Variants in PPARGC1A observed in about 807,000 individuals in gnomAD.
PPARGC1A encodes the protein peroxisome proliferator-activated receptor gamma coactivator 1-alpha.
PPARGC1A carries 25 observed loss-of-function variants against 88.7 expected under a neutral mutation model. The observed-to-expected ratio is 0.28, with a 90% CI of 0.21 to 0.39. PPARGC1A has a LOEUF of 0.39. PPARGC1A is among the 10% of genes least tolerant of loss of function. The pLI is 1.00. For missense variants in PPARGC1A, 880 were observed against 968.7 expected, an observed-to-expected ratio of 0.91 and a Z score of 1.22; for synonymous variants, 363 against 355.6, an observed-to-expected ratio of 1.02 and a Z score of -0.24.
At chr4:24,345,802 A>G in the PPARGC1A span, among the ~76,000 whole-genome samples, 1 of 152,032 alleles carries the variant, frequency 6.6e-6, no homozygotes, top group Non-Finnish European at 1.5e-5. Context: ...CTCTGGTTGG[A>G]CTTCCAGTAC....
chr4:23,937,776 C>G, the PPARGC1A span, among the ~76,000 whole-genome samples: 2 of 152,004 alleles, frequency 1.3e-5, no homozygotes, highest in East Asian at 3.9e-4. Context: ...GATCTCTCTG[C>G]CCCTCTGCCC....
the PPARGC1A span, among the ~76,000 whole-genome samples, chr4:24,230,211 T>TA: frequency 2.0e-5 from 3 of 152,208 alleles, no homozygotes; most frequent in African/African-American, 7.2e-5. Flanking sequence ...ACTACATGTG[T>TA]ATAAACAAGC....
At chr4:24,129,550 G>T in the PPARGC1A span, among the ~76,000 whole-genome samples, 3 of 152,082 alleles carry the variant, frequency 2.0e-5, no homozygotes, top group African/African-American at 7.2e-5. Flanking sequence ...AATAATAATG[G>T]TGTAATCTAG....
At chr4:24,427,282 ATT>A in the PPARGC1A span, among the ~76,000 whole-genome samples, 144 of 136,632 alleles carry the variant, frequency 1.1e-3, 1 homozygote, top group African/African-American at 1.7e-3. Flanking sequence ...TTCTTTATTT[ATT>A]TTTTTTTTTT....
chr4:24,339,210 GTGTATATATATATATATA>G, the PPARGC1A span, among the ~76,000 whole-genome samples: 72 of 110,622 alleles, frequency 6.5e-4, no homozygotes, highest in Admixed American at 3.8e-3. Flanking sequence ...GTGTGTGTGT[GTGTATATATATATATATA>G]TATATATATA....
the PPARGC1A span, among the ~76,000 whole-genome samples, chr4:24,400,332 G>A: frequency 6.6e-6 from 1 of 152,122 alleles, no homozygotes; most frequent in Admixed American, 6.5e-5. Flanking sequence ...AAAGCAAGCA[G>A]GAAAATGTGA....
the PPARGC1A span, among the ~76,000 whole-genome samples, chr4:24,423,101 A>G: frequency 2.0e-5 from 3 of 152,330 alleles, no homozygotes; most frequent in East Asian, 5.8e-4. Flanking sequence ...ACACAGACAC[A>G]AAAACATTTG....
chr4:24,094,954 T>A, the PPARGC1A span, among the ~76,000 whole-genome samples: 58 of 152,302 alleles, frequency 3.8e-4, 2 homozygotes, highest in East Asian at 0.011. Context: ...TATTTCAAGC[T>A]CTTGTGCTTC....
chr4:24,454,009 C>T, the PPARGC1A span, among the ~76,000 whole-genome samples: 15 of 152,092 alleles, frequency 9.9e-5, no homozygotes, highest in South Asian at 2.1e-4. Flanking sequence ...CTCAAGACGC[C>T]TTGCAAGCTT....
the PPARGC1A span, among the ~76,000 whole-genome samples, chr4:24,071,182 C>G: frequency 6.6e-6 from 1 of 152,110 alleles, no homozygotes; most frequent in Non-Finnish European, 1.5e-5. Context: ...ACCATCCCCA[C>G]CTCAGTATGA....
the PPARGC1A span, among the ~76,000 whole-genome samples, chr4:23,993,286 A>G: frequency 6.6e-6 from 1 of 152,178 alleles, no homozygotes; most frequent in South Asian, 2.1e-4. Flanking sequence ...ACACTGAATC[A>G]TAATGTCAGA....
At chr4:24,133,674 T>G in the PPARGC1A span, among the ~76,000 whole-genome samples, 4 of 152,198 alleles carry the variant, frequency 2.6e-5, no homozygotes, top group Non-Finnish European at 5.9e-5. Context: ...TTAACAATTT[T>G]CCTCCTTTCA....
At chr4:24,450,329 G>A in the PPARGC1A span, among the ~76,000 whole-genome samples, 24 of 152,214 alleles carry the variant, frequency 1.6e-4, no homozygotes, top group African/African-American at 4.1e-4. Flanking sequence ...TCACATGTAC[G>A]AACTCCTTTA....
the PPARGC1A span, among the ~76,000 whole-genome samples, chr4:24,064,836 C>T: frequency 6.6e-6 from 1 of 152,100 alleles, no homozygotes; most frequent in African/African-American, 2.4e-5. Context: ...CACATTCTGC[C>T]CCTTTCCTTT....
chr4:23,997,808 A>G, the PPARGC1A span, among the ~76,000 whole-genome samples: 1 of 152,106 alleles, frequency 6.6e-6, no homozygotes, highest in African/African-American at 2.4e-5. Flanking sequence ...CCTTTCTATA[A>G]GCAGTGTTGT....
At chr4:24,320,748 C>T in the PPARGC1A span, among the ~76,000 whole-genome samples, 7 of 152,102 alleles carry the variant, frequency 4.6e-5, no homozygotes, top group Admixed American at 3.9e-4. Flanking sequence ...AACACCACTC[C>T]TAGGAGACCC....
chr4:24,066,533 A>C, the PPARGC1A span, among the ~76,000 whole-genome samples: 3 of 152,118 alleles, frequency 2.0e-5, no homozygotes, highest in African/African-American at 7.2e-5. Context: ...TGTCACAAGA[A>C]TATTAGTTAG....
chr4:24,138,882 G>C, the PPARGC1A span, among the ~76,000 whole-genome samples: 1 of 152,112 alleles, frequency 6.6e-6, no homozygotes, highest in East Asian at 1.9e-4. Flanking sequence ...CTAGAGTATT[G>C]ATTTTGAGAC....
chr4:24,053,013 G>A, the PPARGC1A span, among the ~76,000 whole-genome samples: 358 of 150,530 alleles, frequency 2.4e-3, no homozygotes, highest in African/African-American at 8.4e-3. Flanking sequence ...ACAGGCACCC[G>A]CCACCACACC....
Sources: gnomAD v4.1 joint callset for allele counts (sites outside exome capture counted in the v4.1 genomes callset) on GRCh38, gnomAD v4.1.1 for gene constraint, MANE v1.5 for transcripts, NCBI Gene and HGNC (gene_info 2026-07-23, HGNC 2026-07-21) for gene names.